MAML1: variants seen among roughly 807,000 people sequenced by gnomAD.
The protein encoded by MAML1 is mastermind like transcriptional coactivator 1, also known as mastermind-like protein 1.
In MAML1, 14 loss-of-function variants were observed where a neutral mutation model predicts 77.1. The ratio of observed to expected loss-of-function variants is 0.18; its 90% CI spans 0.12 to 0.28. The LOEUF (loss-of-function observed/expected upper bound fraction) is 0.28, where lower values mean the gene tolerates loss of function less well. Among genes scored for constraint, MAML1 ranks in the 10% least tolerant of loss-of-function variants. The pLI is 1.00. For synonymous variants in MAML1, 516 were observed against 551.9 expected, an observed-to-expected ratio of 0.93 and a Z score of 0.91; for missense variants, 1,217 against 1,327.8, an observed-to-expected ratio of 0.92 and a Z score of 1.30.
Position 179,769,084 on chromosome 5 carries a change from G to A in MAML1, c.1966G>A (p.Glu656Lys), listed in dbSNP as rs1252760902. The change falls in exon 3 of 5, where the codon GAA (glutamate) becomes AAA (lysine). Residue 656 changes from glutamate to lysine, a missense_variant. Physicochemically the swap from Glu to Lys is moderately conservative, Grantham distance 56. Transcript: ENST00000292599. The surrounding 1 kb of genome is among the most constrained non-coding windows in gnomAD (Gnocchi z 4.2). The part of the protein sequence containing the change: ...FLQRQQHLLA[E>K]QEKQQFQRHL... ...TCAGAGGCAACAGCACCTTCTCGCG[G>A]AACAGGTAAAAAGAAAAGTGGAAGG... 3 of 1,614,064 alleles carry A rather than the reference G, an allele frequency of 1.9e-6. No homozygotes were observed. The highest frequency in any genetic ancestry group is 2.5e-6 in the Non-Finnish European group (3 of 1,179,974).
chr5:179,733,953 T>C (rs1779117667), intron 1 of MAML1, among the ~76,000 whole-genome samples: 1 of 152,244 alleles, frequency 6.6e-6, no homozygotes, highest in Non-Finnish European at 1.5e-5. Flanking sequence ...CTTAGTAAAA[T>C]GTTCAATGAG....
intron 1 of MAML1, among the ~76,000 whole-genome samples, chr5:179,763,667 T>C (rs569989093): frequency 2.0e-4 from 30 of 152,250 alleles, no homozygotes; most frequent in African/African-American, 7.2e-4. Context: ...TAATCTGCTG[T>C]TGAGAACTGA....
chr5:179,752,543 TG>T (rs1237082042), intron 1 of MAML1, among the ~76,000 whole-genome samples: 2 of 148,696 alleles, frequency 1.3e-5, no homozygotes, highest in East Asian at 3.9e-4. Flanking sequence ...CTATTAGTGC[TG>T]TTGAGTAATG....
At chr5:179,748,122 G>A (rs1010499535) in intron 1 of MAML1, among the ~76,000 whole-genome samples, 3 of 151,890 alleles carry the variant, frequency 2.0e-5, no homozygotes, top group South Asian at 4.2e-4. Context: ...TCACTCTGTC[G>A]CCCAGGCTGG....
At position 179,743,583 on chromosome 5, in the gene MAML1, C is replaced by T. The variant is rs538236626; in HGVS notation, c.315+10156C>T. ...GACGGAGTTTCACCTTGTTAGCCAG[C>T]CTCGATCTCCTAACCTTGCGATCCA... On this transcript the variant is annotated intron_variant, in intron 1 of 4. Transcript: ENST00000292599. Among the ~76,000 whole-genome samples the T allele has an allele frequency of 1.1e-4, 16 of 150,958 alleles. No individual in the cohort carries two copies. The South Asian group carries it at 3.4e-3, about 32-fold the overall frequency.
intron 1 of MAML1, among the ~76,000 whole-genome samples, chr5:179,755,702 C>CT (rs398000090): frequency 0.049 from 7,012 of 142,278 alleles, 225 homozygotes; most frequent in African/African-American, 0.09. Context: ...ATGCATGGAC[C>CT]TTTTTTTTTT....
chr5:179,771,304 T>G lies in MAML1; in HGVS notation c.2068+61T>G. ...AGGCCGCTGCCTGGTGCTGGTTGAATCCCTGCTGTCTGCCCAGCTCTATGC... is the reference window on the plus strand; with the variant it reads ...AGGCCGCTGCCTGGTGCTGGTTGAAGCCCTGCTGTCTGCCCAGCTCTATGC... On this transcript the variant is annotated intron_variant, in intron 4 of 4. Coordinates refer to ENST00000292599, the MANE Select transcript of MAML1 (RefSeq NM_014757.5). This position sits in a 1 kb window ranked among gnomAD's most constrained non-coding sequence, Gnocchi z 4.7. 7.2e-7 allele frequency: 1 copy of G among 1,396,144 alleles called. No individual in the cohort carries two copies. Among genetic ancestry groups the G allele is most frequent in the Non-Finnish European group, 1.0e-6 (1 of 982,516 alleles). 86.5% of individuals were successfully genotyped at this position (1,396,144 alleles called of 1,614,324 possible). A position where few individuals can be genotyped will look rare whatever the true frequency, so the allele number is the denominator to read the frequency against.
chr5:179,773,279 A>G (rs758309633), intron 4 of MAML1, among the ~76,000 whole-genome samples: 15 of 152,198 alleles, frequency 9.9e-5, no homozygotes, highest in Non-Finnish European at 2.2e-4. Flanking sequence ...CTGTCTGCAT[A>G]TCCCGGCCAC....
rs988579317 is a variant in MAML1, at chr5:179,775,709, C to T, written c.*832C>T. The T allele has an allele frequency of 1.0e-6, 1 of 985,446 alleles. No homozygotes were observed. The highest frequency in any genetic ancestry group is 1.2e-6 in the Non-Finnish European group (1 of 829,962). The allele number at this position is 985,446 out of a possible 1,614,324, so 61.0% of individuals were successfully genotyped here. Reference sequence around the variant, plus strand: ...TGTATCCTGGAGTATTATGTCTCCCCACCTTCTGCAGTTTTCTCTGAACAT... The same window carrying T: ...TGTATCCTGGAGTATTATGTCTCCCTACCTTCTGCAGTTTTCTCTGAACAT... On this transcript the variant is annotated 3_prime_UTR_variant, in exon 5 of 5. Transcript: ENST00000292599.
At chr5:179,741,283 T>C (rs1779279908) in intron 1 of MAML1, among the ~76,000 whole-genome samples, 1 of 152,094 alleles carries the variant, frequency 6.6e-6, no homozygotes, top group African/African-American at 2.4e-5. Context: ...GGAGCCTAAG[T>C]GGGAGCAGAT....
chr5:179,744,539 AT>A (rs60338689), intron 1 of MAML1, among the ~76,000 whole-genome samples: 945 of 140,456 alleles, frequency 6.7e-3, no homozygotes, highest in Middle Eastern at 0.011. Context: ...TTTTGGCAGG[AT>A]TTTTTTTTTT....
chr5:179,773,030 G>A (rs924718269), intron 4 of MAML1, among the ~76,000 whole-genome samples: 6 of 152,156 alleles, frequency 3.9e-5, no homozygotes, highest in South Asian at 2.1e-4. Flanking sequence ...AGCTGGGGGC[G>A]CGCGCCGCCA....
chr5:179,738,288 A>G (rs1779212675), intron 1 of MAML1, among the ~76,000 whole-genome samples: 1 of 152,130 alleles, frequency 6.6e-6, no homozygotes. Context: ...TCTGCTGCCA[A>G]ACCACCCCAT....
intron 1 of MAML1, among the ~76,000 whole-genome samples, chr5:179,761,097 A>AAAAAG (rs61580895): frequency 0.98 from 148,082 of 151,402 alleles, 72,504 homozygotes; most frequent in East Asian, 1. Flanking sequence ...CCGTCTCAAA[A>AAAAAG]AAAAGATGGA....
At position 179,775,362 on chromosome 5, in the gene MAML1, A is replaced by G; in HGVS notation, c.*485A>G. On this transcript the variant is annotated 3_prime_UTR_variant, in exon 5 of 5. Transcript: ENST00000292599. ...TTTTTTACAAAAGGTTTTTAAACAG[A>G]TTAGGGTAGGTGATGGTTTAAATCA... 1 of 985,234 alleles carries G rather than the reference A, an allele frequency of 1.0e-6. No individual in the cohort carries two copies. The highest frequency in any genetic ancestry group is 1.2e-6 in the Non-Finnish European group (1 of 829,720). 61.0% of individuals were successfully genotyped at this position (985,234 alleles called of 1,614,324 possible).
chr5:179,748,307 C>T (rs1779420473), intron 1 of MAML1, among the ~76,000 whole-genome samples: 1 of 152,082 alleles, frequency 6.6e-6, no homozygotes, highest in South Asian at 2.1e-4. Context: ...GACTCGAACT[C>T]CTGACCTCAA....
intron 1 of MAML1, among the ~76,000 whole-genome samples, chr5:179,745,734 T>C (rs1779366241): frequency 1.3e-5 from 2 of 150,542 alleles, no homozygotes; most frequent in Non-Finnish European, 3.0e-5. Flanking sequence ...GTGGCGGGCG[T>C]CTGTAGTCCC....
intron 1 of MAML1, among the ~76,000 whole-genome samples, chr5:179,734,954 G>T (rs1231239080): frequency 6.6e-6 from 1 of 151,720 alleles, no homozygotes; most frequent in Non-Finnish European, 1.5e-5. Context: ...GAGATTATAG[G>T]CATGAGCCAC....
Position 179,766,366 on chromosome 5 carries a change from T to A in MAML1, c.1356T>A (p.Pro452=). ...ACCCCATGGAGAAGCCTGCCAGCCC[T>A]TCCAGCTACAAGCAAGACTTCACTA... ...VPYPMEKPAS[P]SSYKQDFTNS... The change falls in exon 2 of 5, where the codon CCT becomes CCA. Residue 452 remains proline (P), a synonymous_variant. Transcript: ENST00000292599. The surrounding 1 kb of genome is among the most constrained non-coding windows in gnomAD (Gnocchi z 4.0). 2 of 1,606,890 alleles carry A rather than the reference T, an allele frequency of 1.2e-6. No homozygotes were observed. Among genetic ancestry groups the A allele is most frequent in the Non-Finnish European group, 1.7e-6 (2 of 1,175,874 alleles).
Sources: allele counts gnomAD v4.1 joint callset (sites outside exome capture counted in the v4.1 genomes callset), GRCh38; gene constraint gnomAD v4.1.1; non-coding constraint Gnocchi (gnomAD v3.1); transcripts MANE v1.5; gene names NCBI Gene and HGNC (gene_info 2026-07-23, HGNC 2026-07-21).